Variants in OXR1 observed in about 807,000 individuals in gnomAD.
OXR1 encodes oxidation resistance protein 1.
Under a neutral mutation model 104.6 loss-of-function variants are expected in OXR1, and 41 were observed. The observed-to-expected ratio is 0.39, with a 90% CI of 0.31 to 0.51. The LOEUF (loss-of-function observed/expected upper bound fraction) is 0.51, where lower values mean the gene tolerates loss of function less well. Among genes scored for constraint, OXR1 ranks in the 20% least tolerant of loss-of-function variants. OXR1 has a pLI of 0.77. For missense variants in OXR1, 955 were observed against 1,031.9 expected, an observed-to-expected ratio of 0.93 and a Z score of 1.02; for synonymous variants, 348 against 348.4, an observed-to-expected ratio of 1.00 and a Z score of 0.01.
intron 3 of OXR1, among the ~76,000 whole-genome samples, chr8:106,653,075 A>C (rs1293582699): frequency 2.7e-5 from 3 of 111,428 alleles, no homozygotes; most frequent in Non-Finnish European, 5.5e-5. Flanking sequence ...GAAATAGAAA[A>C]AAAAAAAAAT....
At chr8:106,481,657 C>T (rs1404632498) in intron 2 of OXR1, among the ~76,000 whole-genome samples, 1 of 152,014 alleles carries the variant, frequency 6.6e-6, no homozygotes, top group Non-Finnish European at 1.5e-5. Flanking sequence ...AGGAAAAGTA[C>T]AAATCATTCT....
intron 1 of OXR1, among the ~76,000 whole-genome samples, chr8:106,352,326 G>T (rs1357390761): frequency 6.6e-6 from 1 of 152,158 alleles, no homozygotes; most frequent in Non-Finnish European, 1.5e-5. Flanking sequence ...GGATATGTTG[G>T]TTCTCCAAGA....
Position 106,679,172 on chromosome 8 carries a change from A to G in OXR1, c.221-38A>G, listed in dbSNP as rs749749362. 5 of 1,250,816 alleles carry G rather than the reference A, an allele frequency of 4.0e-6. No individual in the cohort carries two copies. The South Asian group carries it at 6.1e-5, about 15-fold the overall frequency. The allele number at this position is 1,250,816 out of a possible 1,614,324, so 77.5% of individuals were successfully genotyped here. A position where few individuals can be genotyped will look rare whatever the true frequency, so the allele number is the denominator to read the frequency against. On this transcript the variant is annotated intron_variant, in intron 3 of 16. Transcript: ENST00000517566. ...TAGTCCTTGACATTACTCTGAAAGAAAGATGAATTTAATAGGAATTTTGCC... is the reference window on the plus strand; with the variant it reads ...TAGTCCTTGACATTACTCTGAAAGAGAGATGAATTTAATAGGAATTTTGCC...
chr8:106,499,139 G>A (rs1811602100), intron 2 of OXR1, among the ~76,000 whole-genome samples: 1 of 14,410 alleles, frequency 6.9e-5, no homozygotes, highest in East Asian at 4.9e-4. Context: ...TCCGCAGTCC[G>A]GCCTGGGCGA....
chr8:106,494,008 C>T (rs547448186), intron 2 of OXR1, among the ~76,000 whole-genome samples: 7 of 152,270 alleles, frequency 4.6e-5, no homozygotes, highest in African/African-American at 1.7e-4. Flanking sequence ...ACCTACCTTG[C>T]ATAGTCATTA....
chr8:106,706,729 A>G lies in OXR1; in HGVS notation c.1208A>G (p.Asn403Ser). The part of the protein sequence containing the change: ...HLRSDTEHST[N>S]EVGTLCHKTD... ...AGATCTGATACTGAACATTCTACAA[A>G]TGAAGTTGGGACTTTATGTCATAAA... The change falls in exon 9 of 17, where the codon AAT (asparagine) becomes AGT (serine). Residue 403 changes from asparagine to serine, a missense_variant. Physicochemically the swap from Asn to Ser is conservative, Grantham distance 46 (BLOSUM62 1). Around this residue, in one of 2 missense-constraint regions of OXR1, gnomAD observed 849 missense variants for 852.9 expected, o/e 1.00. Coordinates refer to ENST00000517566, the MANE Select transcript of OXR1 (RefSeq NM_001198533.2). 6.2e-7 allele frequency: 1 copy of G among 1,611,744 alleles called. No homozygotes were observed. Among genetic ancestry groups the G allele is most frequent in the Admixed American group, 1.7e-5 (1 of 59,374 alleles).
chr8:106,654,927 G>A (rs1824922123), intron 3 of OXR1, among the ~76,000 whole-genome samples: 3 of 152,068 alleles, frequency 2.0e-5, no homozygotes, highest in Admixed American at 2.0e-4. Context: ...ATGGATGAAC[G>A]GATCAATAAA....
chr8:106,441,447 G>T (rs1819778567), intron 2 of OXR1, among the ~76,000 whole-genome samples: 1 of 152,132 alleles, frequency 6.6e-6, no homozygotes, highest in Admixed American at 6.6e-5. Flanking sequence ...TTCTAATTCT[G>T]TGAAGAACGT....
chr8:106,395,046 GAC>G (rs1407191480), intron 2 of OXR1, among the ~76,000 whole-genome samples: 2 of 20,024 alleles, frequency 1.0e-4, no homozygotes, highest in Non-Finnish European at 2.4e-4. Flanking sequence ...AGAAAACATT[GAC>G]ATTGTTTTCA....
intron 1 of OXR1, among the ~76,000 whole-genome samples, chr8:106,270,986 C>T (rs961554981): frequency 2.0e-5 from 3 of 152,032 alleles, no homozygotes; most frequent in Non-Finnish European, 4.4e-5. Context: ...GAATCTGTCT[C>T]CCGCTAGAGT....
At chr8:106,700,215 G>A (rs1830463651) in intron 7 of OXR1, among the ~76,000 whole-genome samples, 1 of 152,130 alleles carries the variant, frequency 6.6e-6, no homozygotes, top group African/African-American at 2.4e-5. Context: ...GCTCATAATA[G>A]TCTTAATATA....
intron 3 of OXR1, among the ~76,000 whole-genome samples, chr8:106,640,237 T>C (rs1456260615): frequency 6.6e-6 from 1 of 151,932 alleles, no homozygotes; most frequent in Non-Finnish European, 1.5e-5. Context: ...ACCTACTATA[T>C]CATACAACCA....
intron 2 of OXR1, among the ~76,000 whole-genome samples, chr8:106,372,098 G>A (rs958370810): frequency 2.6e-5 from 4 of 152,260 alleles, no homozygotes; most frequent in Admixed American, 6.5e-5. Flanking sequence ...CCAGCTGAGA[G>A]GCTGTAAGAA....
chr8:106,477,095 A>T (rs528644874), intron 2 of OXR1, among the ~76,000 whole-genome samples: 1 of 152,082 alleles, frequency 6.6e-6, no homozygotes, highest in East Asian at 1.9e-4. Context: ...AAGCAATTAA[A>T]CTTCTCCTTG....
chr8:106,714,609 G>GATAT (rs1237118554), intron 11 of OXR1, among the ~76,000 whole-genome samples: 1 of 152,014 alleles, frequency 6.6e-6, no homozygotes, highest in Non-Finnish European at 1.5e-5. Context: ...ACTCCTCTTA[G>GATAT]ATATATCTTA....
At chr8:106,488,487 A>G (rs1234641620) in intron 2 of OXR1, among the ~76,000 whole-genome samples, 2 of 152,028 alleles carry the variant, frequency 1.3e-5, no homozygotes, top group Non-Finnish European at 2.9e-5. Flanking sequence ...TTTAGACATG[A>G]AGTCCTTGCC....
At chr8:106,346,734 T>C (rs1332612324) in intron 1 of OXR1, among the ~76,000 whole-genome samples, 1 of 138,706 alleles carries the variant, frequency 7.2e-6, no homozygotes, top group Non-Finnish European at 1.6e-5. Context: ...CCCTTTCTGT[T>C]GAGTTCCAAA....
chr8:106,670,635 GATTTAGCAGCA>G (rs918856217), intron 3 of OXR1, among the ~76,000 whole-genome samples: 40 of 152,142 alleles, frequency 2.6e-4, no homozygotes, highest in African/African-American at 9.2e-4. Flanking sequence ...TTTGTAGATG[GATTTAGCAGCA>G]AATTAGACAC....
At chr8:106,441,977 G>T (rs1819805664) in intron 2 of OXR1, among the ~76,000 whole-genome samples, 1 of 152,052 alleles carries the variant, frequency 6.6e-6, no homozygotes, top group Non-Finnish European at 1.5e-5. Flanking sequence ...GTGAGAGAGG[G>T]CATCCCTGTG....
Sources: gnomAD v4.1 joint callset for allele counts (sites outside exome capture counted in the v4.1 genomes callset) on GRCh38, gnomAD v4.1.1 for gene constraint, gnomAD v4.1.1 regional missense constraint, MANE v1.5 for transcripts, NCBI Gene and HGNC (gene_info 2026-07-23, HGNC 2026-07-21) for gene names.